Variants in MYO10 observed in about 807,000 individuals in gnomAD.
MYO10 encodes myosin X, also known as unconventional myosin-X.
Under a neutral mutation model 257.3 loss-of-function variants are expected in MYO10, and 133 were observed. That is an observed-to-expected ratio of 0.52 (90% CI 0.45 to 0.60). The LOEUF (loss-of-function observed/expected upper bound fraction) is 0.60, where lower values mean the gene tolerates loss of function less well. MYO10 is among the 20% of genes least tolerant of loss of function. The pLI, the probability that MYO10 is intolerant of heterozygous loss-of-function variation, is 0.00. For missense variants in MYO10, 2,399 were observed against 2,635.7 expected (o/e 0.91, Z 1.97); for synonymous variants, 1,104 against 1,028.6 (o/e 1.07, Z -1.40).
At chr5:16,705,910 A>G (rs1215114906) in intron 21 of MYO10, among the ~76,000 whole-genome samples, 2 of 152,160 alleles carry the variant, frequency 1.3e-5, no homozygotes, top group African/African-American at 2.4e-5. Flanking sequence ...GGCCGGGCGC[A>G]GTGGCTCATG....
chr5:16,912,697 T>A (rs1745690774), intron 1 of MYO10, among the ~76,000 whole-genome samples: 1 of 151,980 alleles, frequency 6.6e-6, no homozygotes. Flanking sequence ...AATGGCAGAC[T>A]AAAACCCTTT....
intron 2 of MYO10, among the ~76,000 whole-genome samples, chr5:16,870,840 C>T (rs1456420504): frequency 2.0e-5 from 3 of 152,030 alleles, no homozygotes; most frequent in African/African-American, 4.8e-5. Flanking sequence ...TGCAGTAAGC[C>T]GAGATCGCGC....
At chr5:16,897,266 C>T (rs1270019832) in intron 1 of MYO10, among the ~76,000 whole-genome samples, 1 of 149,128 alleles carries the variant, frequency 6.7e-6, no homozygotes, top group Non-Finnish European at 1.5e-5. Flanking sequence ...ACAAAACTGG[C>T]TTGCTAAGTA....
intron 3 of MYO10, among the ~76,000 whole-genome samples, chr5:16,806,524 C>T (rs1207446074): frequency 6.6e-6 from 1 of 151,592 alleles, no homozygotes; most frequent in African/African-American, 2.4e-5. Context: ...GCGCCTACTA[C>T]GTAGTCCCAG....
At chr5:16,672,890 G>C (rs1023944107) in intron 36 of MYO10, 65 bp from the exon 37 acceptor site, 1 of 1,556,416 alleles carries the variant, frequency 6.4e-7, no homozygotes, top group Non-Finnish European at 8.7e-7. Context: ...TTCCCAGAAC[G>C]TGCCATCACC....
At chr5:16,745,836 C>T (rs1325768332) in intron 19 of MYO10, among the ~76,000 whole-genome samples, 1 of 152,114 alleles carries the variant, frequency 6.6e-6, no homozygotes. Context: ...AGAACTAGAT[C>T]ATATTTCCTC....
chr5:16,925,233 CTT>C (rs1234424253), intron 1 of MYO10, among the ~76,000 whole-genome samples: 1 of 152,106 alleles, frequency 6.6e-6, no homozygotes, highest in Admixed American at 6.5e-5. Context: ...TTAGAGAAAA[CTT>C]TTCCTCAATC....
chr5:16,729,499 T>G (rs1266498775), intron 19 of MYO10, among the ~76,000 whole-genome samples: 1 of 151,298 alleles, frequency 6.6e-6, no homozygotes, highest in Non-Finnish European at 1.5e-5. Context: ...TCACCCAGGC[T>G]GGAGTGCAGT....
chr5:16,831,661 A>G (rs1451648849), intron 2 of MYO10, among the ~76,000 whole-genome samples: 1 of 152,162 alleles, frequency 6.6e-6, no homozygotes, highest in Non-Finnish European at 1.5e-5. Flanking sequence ...CATATGTGGG[A>G]GCAAAGCTAT....
intron 3 of MYO10, chr5:16,815,476 T>A (rs527860036): frequency 2.9e-6 from 2 of 696,770 alleles, no homozygotes; most frequent in Non-Finnish European, 2.6e-6. Context: ...ACAAGAGACA[T>A]ACACCAATAA....
At chr5:16,753,604 G>A (rs1244591239) in intron 19 of MYO10, among the ~76,000 whole-genome samples, 1 of 151,502 alleles carries the variant, frequency 6.6e-6, no homozygotes, top group African/African-American at 2.4e-5. Flanking sequence ...CTGAGTGGCT[G>A]GGATTACAGG....
At chr5:16,852,575 G>A (rs749449446) in intron 2 of MYO10, among the ~76,000 whole-genome samples, 8 of 151,612 alleles carry the variant, frequency 5.3e-5, no homozygotes, top group Non-Finnish European at 1.5e-5. Context: ...GACTACTCAA[G>A]GGTTCGTCTG....
At chr5:16,882,923 ATTT>A (rs1260338231) in intron 1 of MYO10, among the ~76,000 whole-genome samples, 1 of 144,170 alleles carries the variant, frequency 6.9e-6, no homozygotes, top group Non-Finnish European at 1.5e-5. Context: ...TTATTTATTT[ATTT>A]TTTTTTTGAG....
chr5:16,867,419 C>T (rs1295946819), intron 2 of MYO10, among the ~76,000 whole-genome samples: 16 of 151,948 alleles, frequency 1.1e-4, no homozygotes, highest in Admixed American at 6.6e-4. Flanking sequence ...GTCAAAAGGT[C>T]GCCTACATCC....
At chr5:16,771,132 GGAAA>G (rs1741036400) in intron 9 of MYO10, among the ~76,000 whole-genome samples, 1 of 152,098 alleles carries the variant, frequency 6.6e-6, no homozygotes, top group South Asian at 2.1e-4. Flanking sequence ...CAATGGAGAG[GGAAA>G]GAATTAAAAG....
chr5:16,713,462 G>A (rs1268098546), intron 19 of MYO10: 1 of 985,772 alleles, frequency 1.0e-6, no homozygotes, highest in East Asian at 1.1e-4. Context: ...CACCATTCCT[G>A]TGCTTTAAAA....
At chr5:16,682,689 T>TGAA (rs1737061241) in intron 30 of MYO10, among the ~76,000 whole-genome samples, 1 of 152,156 alleles carries the variant, frequency 6.6e-6, no homozygotes, top group South Asian at 2.1e-4. Flanking sequence ...AGTCTTCAAA[T>TGAA]GTTCACTGTA....
chr5:16,759,202 C>T (rs772288662), intron 17 of MYO10, among the ~76,000 whole-genome samples: 1 of 152,144 alleles, frequency 6.6e-6, no homozygotes, highest in South Asian at 2.1e-4. Context: ...GGATTATAGG[C>T]GTGAGCCACC....
chr5:16,933,891 A>G (rs1033402876), intron 1 of MYO10, among the ~76,000 whole-genome samples: 3 of 152,240 alleles, frequency 2.0e-5, no homozygotes, highest in Admixed American at 6.5e-5. Flanking sequence ...GTATAACCTT[A>G]AAATAAGCGA....
Sources: allele counts gnomAD v4.1 joint callset (sites outside exome capture counted in the v4.1 genomes callset), GRCh38; gene constraint gnomAD v4.1.1; transcripts MANE v1.5; gene names NCBI Gene and HGNC (gene_info 2026-07-23, HGNC 2026-07-21).